The following ZDHHC21 variants were observed in gnomAD, a reference collection of about 807,000 sequenced individuals.
The protein encoded by ZDHHC21 is palmitoyltransferase ZDHHC21.
In ZDHHC21, 15 loss-of-function variants were observed where a neutral mutation model predicts 34.6. The ratio of observed to expected loss-of-function variants is 0.43; its 90% CI spans 0.29 to 0.67. ZDHHC21 has a LOEUF of 0.67. Ranked by LOEUF, ZDHHC21 falls within the 30% of genes least tolerant of loss-of-function variation. The probability of loss-of-function intolerance (pLI) is 0.14; values close to 1 mark genes in which losing one functional copy is unlikely to be tolerated. For synonymous variants in ZDHHC21, 142 were observed against 101.8 expected, an observed-to-expected ratio of 1.40 and a Z score of -2.38; for missense variants, 344 against 327.7, an observed-to-expected ratio of 1.05 and a Z score of -0.38.
rs369886554 is a variant in ZDHHC21 at position 14,616,455 on chromosome 9, TG to T, written c.*2510del. ...TCATTTTCATAAAATTTTACATTTT[TG>T]TACATACACTCCTCCTAAGTTTGTA... is the stretch of plus-strand genomic sequence containing the variant. On this transcript the variant is annotated 3_prime_UTR_variant, in exon 10 of 10. Coordinates refer to ENST00000380916, the MANE Select transcript of ZDHHC21 (RefSeq NM_178566.6). The T allele has an allele frequency of 1.3e-4, 20 of 151,906 alleles. No individual in the cohort carries two copies. Among genetic ancestry groups the T allele is most frequent in the African/African-American group, 3.9e-4 (16 of 41,540 alleles). The allele number at this position is 151,906 out of a possible 1,614,324, so 9.4% of individuals were successfully genotyped here.
At position 14,617,870 on chromosome 9, in the gene ZDHHC21, AG is replaced by A. The variant is rs767702822; in HGVS notation, c.*1095del. The A allele has an allele frequency of 1.3e-5, 2 of 151,994 alleles. No individual in the cohort carries two copies. Among genetic ancestry groups the A allele is most frequent in the South Asian group, 4.1e-4 (2 of 4,834 alleles). 9.4% of individuals were successfully genotyped at this position (151,994 alleles called of 1,614,324 possible). ...GCCAATTAAAATTTAATTTTAATTT[AG>A]GGATTATAGGTACACAAAGTTAGTG... On this transcript the variant is annotated 3_prime_UTR_variant, in exon 10 of 10. Transcript: ENST00000380916.
intron 7 of ZDHHC21, among the ~76,000 whole-genome samples, chr9:14,648,540 G>C (rs910605499): frequency 2.0e-5 from 3 of 152,058 alleles, no homozygotes; most frequent in African/African-American, 4.8e-5. Flanking sequence ...TGACTTGCTT[G>C]AGTTCCAGGT....
chr9:14,636,323 G>A (rs1828294547), intron 8 of ZDHHC21, among the ~76,000 whole-genome samples: 1 of 152,070 alleles, frequency 6.6e-6, no homozygotes, highest in South Asian at 2.1e-4. Context: ...AAGTTACAAA[G>A]CAGACCATTA....
intron 7 of ZDHHC21, among the ~76,000 whole-genome samples, chr9:14,646,795 T>G (rs1450353898): frequency 1.3e-5 from 2 of 152,168 alleles, no homozygotes; most frequent in Non-Finnish European, 2.9e-5. Context: ...CCCTATTTCC[T>G]TGCTGTATTT....
chr9:14,598,129 C>T, the ZDHHC21 span, among the ~76,000 whole-genome samples: 1 of 152,182 alleles, frequency 6.6e-6, no homozygotes, highest in African/African-American at 2.4e-5. Flanking sequence ...GAGCAAGCTG[C>T]CTGGAGGCTC....
chr9:14,604,085 TAACA>T, the ZDHHC21 span, among the ~76,000 whole-genome samples: 2 of 152,128 alleles, frequency 1.3e-5, no homozygotes, highest in African/African-American at 4.8e-5. Flanking sequence ...TATGTATCAA[TAACA>T]AATAGGAAAA....
downstream of ZDHHC21, among the ~76,000 whole-genome samples, chr9:14,607,316 G>A (rs1027751921): frequency 2.0e-5 from 3 of 152,030 alleles, no homozygotes; most frequent in Admixed American, 2.0e-4. Flanking sequence ...GGTGTGGGAG[G>A]ATGGCTTGAG....
chr9:14,672,323 T>G (rs544839375), intron 5 of ZDHHC21, among the ~76,000 whole-genome samples: 1 of 151,850 alleles, frequency 6.6e-6, no homozygotes, highest in South Asian at 2.1e-4. Flanking sequence ...AATTTTGTAT[T>G]TTTTTTTACT....
the ZDHHC21 span, among the ~76,000 whole-genome samples, chr9:14,601,795 A>G: frequency 6.6e-6 from 1 of 152,188 alleles, no homozygotes; most frequent in Non-Finnish European, 1.5e-5. Context: ...GCACATATAT[A>G]TCATGGAATA....
rs529591712 is a variant in ZDHHC21 at position 14,637,966 on chromosome 9, G to C, written c.621+1930C>G. 2.0e-5 allele frequency among the ~76,000 whole-genome samples: 3 copies of C among 152,022 alleles called. No individual in the cohort carries two copies. The South Asian group carries it at 6.2e-4, about 32-fold the overall frequency. ...ACCACACTGCCCAAAGCAATCTACA[G>C]ATTTGATATAATCAGCATCAAAATA... On this transcript the variant is annotated intron_variant, in intron 8 of 9. Coordinates refer to ENST00000380916, the MANE Select transcript of ZDHHC21 (RefSeq NM_178566.6).
intron 8 of ZDHHC21, among the ~76,000 whole-genome samples, chr9:14,632,162 T>A (rs754426071): frequency 2.0e-4 from 31 of 152,164 alleles, no homozygotes; most frequent in Non-Finnish European, 3.7e-4. Flanking sequence ...TAAGTGTTTA[T>A]CAGAATATAT....
chr9:14,623,136 A>G (rs933370742), intron 8 of ZDHHC21, among the ~76,000 whole-genome samples: 1 of 149,750 alleles, frequency 6.7e-6, no homozygotes, highest in African/African-American at 2.5e-5. Flanking sequence ...TAGGTAAGAC[A>G]TAAAAAAAAA....
chr9:14,639,635 T>C (rs1013735695), intron 8 of ZDHHC21, among the ~76,000 whole-genome samples: 1 of 152,074 alleles, frequency 6.6e-6, no homozygotes, highest in Non-Finnish European at 1.5e-5. Context: ...TAAGATACTG[T>C]GTATCAATAA....
At chr9:14,654,206 G>A (rs1005159220) in intron 7 of ZDHHC21, among the ~76,000 whole-genome samples, 1 of 151,988 alleles carries the variant, frequency 6.6e-6, no homozygotes, top group African/African-American at 2.4e-5. Context: ...TGGAATAAAG[G>A]CAAATTGAAA....
chr9:14,649,567 G>A (rs774743535), intron 7 of ZDHHC21, among the ~76,000 whole-genome samples: 19 of 151,972 alleles, frequency 1.3e-4, no homozygotes, highest in Non-Finnish European at 2.1e-4. Context: ...CCAACCCAAC[G>A]CTCAGGTAAA....
intron 7 of ZDHHC21, among the ~76,000 whole-genome samples, chr9:14,644,849 T>C (rs1830023565): frequency 6.6e-6 from 1 of 151,864 alleles, no homozygotes; most frequent in Non-Finnish European, 1.5e-5. Context: ...TATATATATA[T>C]ATTTACTTTG....
intron 5 of ZDHHC21, among the ~76,000 whole-genome samples, chr9:14,663,633 T>C (rs1833811371): frequency 6.6e-6 from 1 of 152,012 alleles, no homozygotes; most frequent in Non-Finnish European, 1.5e-5. Context: ...GACTTTTATA[T>C]AGTAAAGCGT....
rs1260809187 is a variant in ZDHHC21 at position 14,664,162 on chromosome 9, C to G, written c.254-1836G>C. Among the ~76,000 whole-genome samples, 11 of 152,082 alleles carry G rather than the reference C, an allele frequency of 7.2e-5. No homozygotes were observed. The South Asian group carries it at 1.0e-3, about 14-fold the overall frequency. On this transcript the variant is annotated intron_variant, in intron 5 of 9. Coordinates refer to ENST00000380916, the MANE Select transcript of ZDHHC21 (RefSeq NM_178566.6). ...GGCCAGCGGGTGCGCGCACCGTGCG[C>G]GAGCCGAAGCAGGGCGAGGCATTGC...
At chr9:14,652,924 G>C (rs1587151450) in intron 7 of ZDHHC21, among the ~76,000 whole-genome samples, 1 of 151,914 alleles carries the variant, frequency 6.6e-6, no homozygotes, top group Non-Finnish European at 1.5e-5. Context: ...TTAAAGATGG[G>C]CTAGAAAAGA....
Sources: gnomAD v4.1 joint callset for allele counts (sites outside exome capture counted in the v4.1 genomes callset) on GRCh38, gnomAD v4.1.1 for gene constraint, MANE v1.5 for transcripts, NCBI Gene and HGNC (gene_info 2026-07-23, HGNC 2026-07-21) for gene names.